TBX15: variants seen among roughly 807,000 people sequenced by gnomAD.
TBX15 encodes the protein T-box transcription factor TBX15.
In TBX15, 18 loss-of-function variants were observed where a neutral mutation model predicts 53.9. The ratio of observed to expected loss-of-function variants is 0.33; its 90% CI spans 0.23 to 0.49. TBX15 has a LOEUF of 0.49. Ranked by LOEUF, TBX15 falls within the 20% of genes least tolerant of loss-of-function variation. The probability of loss-of-function intolerance (pLI) is 0.98; values close to 1 mark genes in which losing one functional copy is unlikely to be tolerated. For synonymous variants in TBX15, 295 were observed against 278.0 expected (o/e 1.06, Z -0.61); for missense variants, 692 against 749.5 (o/e 0.92, Z 0.90).
chr1:118,929,819 G>A (rs1431641870), intron 2 of TBX15, among the ~76,000 whole-genome samples: 1 of 150,618 alleles, frequency 6.6e-6, no homozygotes, highest in Admixed American at 6.7e-5. Context: ...GAGTAATAAA[G>A]TAAAAACCCA....
At chr1:118,936,763 T>C (rs1655985404) in intron 1 of TBX15, among the ~76,000 whole-genome samples, 1 of 152,166 alleles carries the variant, frequency 6.6e-6, no homozygotes, top group Admixed American at 6.6e-5. Flanking sequence ...AGAGTTGTTA[T>C]TATTATTATC....
chr1:118,924,603 G>GAGGAAGAGAGAA lies in TBX15; in HGVS notation c.693+31_693+42dup, dbSNP rs764990663. ...GGGCTAGCCAGCTCTAAAGCAAACA[G>GAGGAAGAGAGAA]AGGAAGAGAGAAAGAAAGGGGAGAT... On this transcript the variant is annotated intron_variant, in intron 4 of 7. Transcript: ENST00000369429. The GAGGAAGAGAGAA allele has an allele frequency of 9.3e-6, 15 of 1,612,542 alleles. No individual in the cohort carries two copies. The South Asian group carries it at 1.6e-4, about 18-fold the overall frequency.
rs913229100 is a variant in TBX15, at chr1:118,979,779, AG to A, written c.205+7811del. 2.6e-4 allele frequency among the ~76,000 whole-genome samples: 39 copies of A among 151,888 alleles called. 1 individual carries two copies. The highest frequency in any genetic ancestry group is 8.9e-4 in the African/African-American group (37 of 41,536). On this transcript the variant is annotated intron_variant, in intron 1 of 7. Transcript: ENST00000369429. Reference sequence around the variant, plus strand: ...TCAGGGTTCCGGGTCCCGGGTTTCCAGGGTCCCGGGTTTCCAAGGCCCCGCG... The same window carrying A: ...TCAGGGTTCCGGGTCCCGGGTTTCCAGGTCCCGGGTTTCCAAGGCCCCGCG...
intron 6 of TBX15, among the ~76,000 whole-genome samples, chr1:118,912,141 A>T (rs1156336218): frequency 6.6e-6 from 1 of 152,204 alleles, no homozygotes; most frequent in African/African-American, 2.4e-5. Flanking sequence ...AATGGGAGAA[A>T]AAAGCAAAGA....
intron 5 of TBX15, among the ~76,000 whole-genome samples, chr1:118,915,246 T>G (rs1379491761): frequency 6.6e-6 from 1 of 152,238 alleles, no homozygotes; most frequent in Non-Finnish European, 1.5e-5. Flanking sequence ...GGGAATCTCA[T>G]TATTTAAGAC....
chr1:118,974,679 G>T (rs1162823725), intron 1 of TBX15, among the ~76,000 whole-genome samples: 1 of 152,208 alleles, frequency 6.6e-6, no homozygotes, highest in Non-Finnish European at 1.5e-5. Context: ...TCATTGAGAA[G>T]AGAGACTTCT....
intron 1 of TBX15, among the ~76,000 whole-genome samples, chr1:118,984,388 C>G (rs1220609963): frequency 6.6e-6 from 1 of 152,382 alleles, no homozygotes; most frequent in African/African-American, 2.4e-5. Flanking sequence ...CCGGCTTCGG[C>G]AGCACTTAGC....
At chr1:118,967,966 C>A (rs1394617138) in intron 1 of TBX15, among the ~76,000 whole-genome samples, 1 of 152,166 alleles carries the variant, frequency 6.6e-6, no homozygotes, top group South Asian at 2.1e-4. Context: ...TAGCCATAGT[C>A]CCTCCTATTA....
chr1:118,891,094 A>AACAGTGCT, intron 7 of TBX15: 9 of 289,258 alleles, frequency 3.1e-5, no homozygotes, highest in South Asian at 9.0e-5. Context: ...AGTTGAGATG[A>AACAGTGCT]GTACCATCCT....
At chr1:118,938,767 T>C (rs1396235826) in intron 1 of TBX15, among the ~76,000 whole-genome samples, 1 of 152,214 alleles carries the variant, frequency 6.6e-6, no homozygotes, top group East Asian at 1.9e-4. Flanking sequence ...CAGGGTTTTT[T>C]CCTATGTTTA....
chr1:118,895,437 T>C (rs755179737), intron 7 of TBX15, among the ~76,000 whole-genome samples: 2 of 152,222 alleles, frequency 1.3e-5, no homozygotes, highest in South Asian at 2.1e-4. Flanking sequence ...CTCCATTATA[T>C]ACATGAGGAA....
At chr1:118,887,099 G>GT (rs1272800351) in intron 7 of TBX15, among the ~76,000 whole-genome samples, 10 of 152,210 alleles carry the variant, frequency 6.6e-5, no homozygotes, top group Non-Finnish European at 2.9e-5. Context: ...AAAGACATGG[G>GT]TGAGTGCTAG....
At chr1:118,954,651 C>T (rs1656618572) in intron 1 of TBX15, among the ~76,000 whole-genome samples, 2 of 152,178 alleles carry the variant, frequency 1.3e-5, no homozygotes, top group Non-Finnish European at 1.5e-5. Flanking sequence ...CCCAAAATAG[C>T]AAGGGAGCTC....
chr1:118,959,812 G>A (rs1656805663), intron 1 of TBX15, among the ~76,000 whole-genome samples: 1 of 152,132 alleles, frequency 6.6e-6, no homozygotes, highest in African/African-American at 2.4e-5. Flanking sequence ...TACATCCAAA[G>A]ATGCTCTGAT....
chr1:118,919,538 A>T (rs1655354719), intron 5 of TBX15, among the ~76,000 whole-genome samples: 1 of 152,210 alleles, frequency 6.6e-6, no homozygotes. Context: ...AAAGCATAAC[A>T]TATTCCATGA....
chr1:118,907,040 A>C lies in TBX15; in HGVS notation c.926+7075T>G, dbSNP rs114981410. 4.4e-3 allele frequency among the ~76,000 whole-genome samples: 677 copies of C among 152,334 alleles called. 10 individuals carry two copies. The highest frequency in any genetic ancestry group is 0.015 in the African/African-American group (630 of 41,580). On this transcript the variant is annotated intron_variant, in intron 6 of 7. Coordinates refer to ENST00000369429, the MANE Select transcript of TBX15 (RefSeq NM_001330677.2). Reference sequence around the variant, plus strand: ...ATTTGAGTTTCTGGCTCAGGCTTCCAATGGTGGATTCGAAAGAGAAAAACA... The same window carrying C: ...ATTTGAGTTTCTGGCTCAGGCTTCCCATGGTGGATTCGAAAGAGAAAAACA...
rs1183514786 is a variant in TBX15, at chr1:118,885,141, C to T, written c.1400G>A (p.Gly467Asp). The T allele has an allele frequency of 3.7e-6, 6 of 1,614,154 alleles. No homozygotes were observed. In the South Asian group the frequency reaches 6.6e-5, roughly 18 times the overall value. The change falls in exon 8 of 8, where the codon GGC (glycine) becomes GAC (aspartate). Residue 467 changes from glycine to aspartate, a missense_variant. By Grantham distance (94) the Gly-to-Asp change is moderately conservative (BLOSUM62 -1). Coordinates refer to ENST00000369429, the MANE Select transcript of TBX15 (RefSeq NM_001330677.2). ...PGNSKMEAYG[G>D]QLGSFPTSQF... Reference sequence around the variant, plus strand: ...GGAAGTGGGAAAGGACCCCAGCTGGCCACCGTAGGCTTCCATCTTGCTGTT... The same window carrying T: ...GGAAGTGGGAAAGGACCCCAGCTGGTCACCGTAGGCTTCCATCTTGCTGTT...
Position 118,901,848 on chromosome 1 carries a change from G to A in TBX15, c.927-2723C>T, listed in dbSNP as rs115866497. Reference sequence around the variant, plus strand: ...AAGGAGTCCACCTGCCACATCCTCAGCAGGGAGACCTTCCTTAGCTAACGA... The same window carrying A: ...AAGGAGTCCACCTGCCACATCCTCAACAGGGAGACCTTCCTTAGCTAACGA... On this transcript the variant is annotated intron_variant, in intron 6 of 7. Coordinates refer to ENST00000369429, the MANE Select transcript of TBX15 (RefSeq NM_001330677.2). 8.8e-3 allele frequency among the ~76,000 whole-genome samples: 1,336 copies of A among 152,254 alleles called. 20 individuals are homozygous for A. Among genetic ancestry groups the A allele is most frequent in the African/African-American group, 0.03 (1,260 of 41,536 alleles).
chr1:118,948,756 G>T (rs1656422118), intron 1 of TBX15, among the ~76,000 whole-genome samples: 1 of 152,156 alleles, frequency 6.6e-6, no homozygotes, highest in Non-Finnish European at 1.5e-5. Flanking sequence ...TTGCCTCAGA[G>T]AAAGTGACTT....
Sources: allele counts gnomAD v4.1 joint callset (sites outside exome capture counted in the v4.1 genomes callset), GRCh38; gene constraint gnomAD v4.1.1; transcripts MANE v1.5; gene names NCBI Gene and HGNC (gene_info 2026-07-23, HGNC 2026-07-21).